ARHGAP35: variants seen among roughly 807,000 people sequenced by gnomAD.
The protein encoded by ARHGAP35 is Rho GTPase activating protein 35.
Under a neutral mutation model 111.1 loss-of-function variants are expected in ARHGAP35, and 15 were observed. The observed-to-expected ratio is 0.13, with a 90% confidence interval of 0.09 to 0.21. The LOEUF is 0.21. ARHGAP35 is among the 10% of genes least tolerant of loss of function. The pLI is 1.00. For synonymous variants in ARHGAP35, 643 were observed against 710.3 expected, an observed-to-expected ratio of 0.91 and a Z score of 1.51; for missense variants, 1,262 against 1,873.0, an observed-to-expected ratio of 0.67 and a Z score of 6.02.
chr19:46,991,364 G>A (rs769570705), intron 5 of ARHGAP35, among the ~76,000 whole-genome samples: 3 of 152,192 alleles, frequency 2.0e-5, no homozygotes, highest in African/African-American at 4.8e-5. Context: ...CTGCCACCCG[G>A]CAGAACCCCA....
chr19:46,877,942 A>G (rs1027794444), intron 1 of ARHGAP35, among the ~76,000 whole-genome samples: 6 of 152,168 alleles, frequency 3.9e-5, no homozygotes, highest in Admixed American at 6.5e-5. Context: ...TCCTGACCTC[A>G]GGTGATCCAC....
intron 3 of ARHGAP35, among the ~76,000 whole-genome samples, chr19:46,985,086 G>A (rs1255392606): frequency 6.6e-6 from 1 of 152,186 alleles, no homozygotes; most frequent in Non-Finnish European, 1.5e-5. Context: ...TTCAGGGAAA[G>A]GGAAAATAAC....
chr19:46,929,573 A>G (rs148765020), intron 2 of ARHGAP35, among the ~76,000 whole-genome samples: 5 of 134,096 alleles, frequency 3.7e-5, no homozygotes, highest in Admixed American at 1.5e-4. Flanking sequence ...CATTCCGTAT[A>G]TGGTGTTACC....
At chr19:46,978,686 G>GGTGTGTGTGTGGTGGGGT (rs139649951) in intron 3 of ARHGAP35, among the ~76,000 whole-genome samples, 1 of 80,008 alleles carries the variant, frequency 1.2e-5, no homozygotes, top group Non-Finnish European at 2.4e-5. Context: ...TGTGTGGTGG[G>GGTGTGTGTGTGGTGGGGT]ATGTGTGTGT....
chr19:46,862,716 C>T (rs188419749), intron 1 of ARHGAP35, among the ~76,000 whole-genome samples: 5 of 152,220 alleles, frequency 3.3e-5, no homozygotes, highest in Admixed American at 3.3e-4. Flanking sequence ...TTTCTTGGAG[C>T]GGTCCTTTAA....
intron 3 of ARHGAP35, among the ~76,000 whole-genome samples, chr19:46,949,745 TAAC>T (rs2056401270): frequency 6.6e-6 from 1 of 152,224 alleles, no homozygotes; most frequent in African/African-American, 2.4e-5. Context: ...GGAATTAAAA[TAAC>T]AACTCTTTCA....
intron 1 of ARHGAP35, among the ~76,000 whole-genome samples, chr19:46,899,206 G>A (rs1339900150): frequency 7.9e-5 from 12 of 152,186 alleles, no homozygotes; most frequent in Non-Finnish European, 5.9e-5. Flanking sequence ...ATTCAGAGAG[G>A]TGGAGAAGAG....
At chr19:46,885,996 C>G (rs922024172) in intron 1 of ARHGAP35, among the ~76,000 whole-genome samples, 3 of 152,146 alleles carry the variant, frequency 2.0e-5, no homozygotes, top group African/African-American at 4.8e-5. Flanking sequence ...AAAGTACAAT[C>G]AAAGCCTGTC....
Position 46,921,697 on chromosome 19 carries a change from G to A in ARHGAP35, c.3022G>A (p.Asp1008Asn), listed in dbSNP as rs373246320. Residue 1008 changes from aspartate (D) to asparagine (N), a missense_variant, in exon 2 of 7, where the codon GAC (aspartate) becomes AAC (asparagine). Physicochemically the swap from Asp to Asn is conservative, Grantham distance 23. Coordinates refer to ENST00000672722, the MANE Select transcript of ARHGAP35 (RefSeq NM_004491.5). This position sits in a 1 kb window ranked among gnomAD's most constrained non-coding sequence, Gnocchi z 4.3. ...CACATCACTGCCTTCTCTGTCCAAA[G>A]ACCATTCTAAGCTCTCTATGGAACT... Reference protein sequence around the residue: ...EDTSLPSLSKDHSKLSMELEG... With the variant: ...EDTSLPSLSKNHSKLSMELEG... 423 of 1,613,852 alleles carry A rather than the reference G, an allele frequency of 2.6e-4. 1 individual carries two copies. Among genetic ancestry groups the A allele is most frequent in the Non-Finnish European group, 3.5e-4 (410 of 1,179,910 alleles).
In ARHGAP35 at chr19:46,919,145, T is replaced by C; in HGVS notation, c.470T>C (p.Val157Ala). Residue 157 changes from valine to alanine, a missense_variant, in exon 2 of 7, where the codon GTT (valine) becomes GCT (alanine). By Grantham distance (64) the Val-to-Ala change is moderately conservative (BLOSUM62 0). Coordinates refer to ENST00000672722, the MANE Select transcript of ARHGAP35 (RefSeq NM_004491.5). The surrounding 1 kb of genome is among the most constrained non-coding windows in gnomAD (Gnocchi z 6.2). ...QKQMPDGKLL[V>A]DGFLLGIDVS... ...CAAATGCCAGACGGAAAGCTGCTGG[T>C]TGATGGTTTTCTTCTTGGTATTGAT... 6.2e-7 allele frequency: 1 copy of C among 1,613,962 alleles called. No individual in the cohort carries two copies. Among genetic ancestry groups the C allele is most frequent in the Non-Finnish European group, 8.5e-7 (1 of 1,179,892 alleles).
At chr19:46,899,225 G>A (rs2056072158) in intron 1 of ARHGAP35, among the ~76,000 whole-genome samples, 1 of 152,188 alleles carries the variant, frequency 6.6e-6, no homozygotes, top group African/African-American at 2.4e-5. Context: ...AGGCACAGTG[G>A]CATTCCAGAT....
At chr19:46,909,171 C>T (rs1295624472) in intron 1 of ARHGAP35, among the ~76,000 whole-genome samples, 1 of 152,088 alleles carries the variant, frequency 6.6e-6, no homozygotes, top group Non-Finnish European at 1.5e-5. Context: ...GCCGTGGTGG[C>T]ATGCGCTTGT....
chr19:46,940,844 G>T (rs1043764276), intron 3 of ARHGAP35, among the ~76,000 whole-genome samples: 2 of 152,134 alleles, frequency 1.3e-5, no homozygotes, highest in African/African-American at 4.8e-5. Context: ...CAATGCCTTT[G>T]CTCTGTCCCC....
chr19:46,896,870 T>C (rs1214144781), intron 1 of ARHGAP35, among the ~76,000 whole-genome samples: 1 of 152,104 alleles, frequency 6.6e-6, no homozygotes, highest in Non-Finnish European at 1.5e-5. Context: ...TGTTCAAGCA[T>C]TTATCTACTG....
chr19:46,896,109 A>G (rs899892525), intron 1 of ARHGAP35, among the ~76,000 whole-genome samples: 1 of 152,010 alleles, frequency 6.6e-6, no homozygotes, highest in East Asian at 1.9e-4. Context: ...TCTCAAAAAA[A>G]AAGCTATAAG....
At chr19:46,883,844 C>G (rs111480233) in intron 1 of ARHGAP35, among the ~76,000 whole-genome samples, 2 of 152,208 alleles carry the variant, frequency 1.3e-5, no homozygotes, top group East Asian at 3.9e-4. Flanking sequence ...TGCCTGAGCT[C>G]AGGAGTTTGA....
rs988768059 is a variant in ARHGAP35 at position 46,879,396 on chromosome 19, G to A, written c.-189+18187G>A. On this transcript the variant is annotated intron_variant, in intron 1 of 6. Transcript: ENST00000672722. ...GAGTTCAGGAGATAGAGACCATCCC[G>A]GCTAACATGGTGAAACCCCGTCTCT... 1.4e-4 allele frequency among the ~76,000 whole-genome samples: 21 copies of A among 152,006 alleles called. No homozygotes were observed. The East Asian group carries it at 3.3e-3, about 24-fold the overall frequency.
At chr19:46,898,659 A>G (rs1019149576) in intron 1 of ARHGAP35, among the ~76,000 whole-genome samples, 2 of 152,196 alleles carry the variant, frequency 1.3e-5, no homozygotes, top group African/African-American at 4.8e-5. Context: ...AATGCAAGGG[A>G]TTTATTACAA....
intron 3 of ARHGAP35, among the ~76,000 whole-genome samples, chr19:46,968,438 C>T (rs892238192): frequency 1.3e-5 from 2 of 152,284 alleles, no homozygotes; most frequent in Middle Eastern, 3.4e-3. Context: ...TGCTGTCCCT[C>T]GGCTGGAGGC....
Sources: allele counts gnomAD v4.1 joint callset (sites outside exome capture counted in the v4.1 genomes callset), GRCh38; gene constraint gnomAD v4.1.1; non-coding constraint Gnocchi (gnomAD v3.1); transcripts MANE v1.5; gene names NCBI Gene and HGNC (gene_info 2026-07-23, HGNC 2026-07-21).